Variants in MSRA observed in about 807,000 individuals in gnomAD.
The protein encoded by MSRA is methionine sulfoxide reductase A, also known as mitochondrial peptide methionine sulfoxide reductase.
In MSRA, 54 loss-of-function variants were observed where a neutral mutation model predicts 31.3. The observed-to-expected ratio is 1.73, with a 90% confidence interval of 1.39 to 2.17. The LOEUF is 2.17. Ranked by LOEUF, MSRA falls within the 30% of genes most tolerant of loss-of-function variation. The pLI is 0.00. For synonymous variants in MSRA, 169 were observed against 116.5 expected, an observed-to-expected ratio of 1.45 and a Z score of -2.90; for missense variants, 507 against 300.9, an observed-to-expected ratio of 1.69 and a Z score of -5.07.
intron 2 of MSRA, among the ~76,000 whole-genome samples, chr8:10,243,231 T>A (rs1797430175): frequency 6.6e-6 from 1 of 152,080 alleles, no homozygotes; most frequent in South Asian, 2.1e-4. Flanking sequence ...AATATTTTAT[T>A]CAACAAACTC....
At chr8:10,280,938 C>T (rs2975645) in intron 3 of MSRA, among the ~76,000 whole-genome samples, 57,582 of 152,094 alleles carry the variant, frequency 0.38, 11,266 homozygotes, top group Admixed American at 0.44. Context: ...TTATTTGAAA[C>T]GTCCAGAATA....
intron 2 of MSRA, among the ~76,000 whole-genome samples, chr8:10,232,338 TTAG>T (rs1272208793): frequency 6.6e-6 from 1 of 152,184 alleles, no homozygotes; most frequent in African/African-American, 2.4e-5. Context: ...AGTGGTACCC[TTAG>T]TAGGCAGAGG....
chr8:10,068,599 C>G (rs539535671), intron 1 of MSRA, among the ~76,000 whole-genome samples: 1 of 152,298 alleles, frequency 6.6e-6, no homozygotes, highest in African/African-American at 2.4e-5. Context: ...GCTCATTTGT[C>G]AAAGATGAGT....
intron 1 of MSRA, among the ~76,000 whole-genome samples, chr8:10,145,194 G>C (rs1298449558): frequency 6.6e-6 from 1 of 152,172 alleles, no homozygotes; most frequent in African/African-American, 2.4e-5. Flanking sequence ...TGCAGTGCGA[G>C]GCGAGAACCG....
intron 5 of MSRA, among the ~76,000 whole-genome samples, chr8:10,390,449 C>G (rs1806670063): frequency 6.6e-6 from 1 of 152,212 alleles, no homozygotes; most frequent in African/African-American, 2.4e-5. Context: ...TGGCACTTGC[C>G]TCTTAGTCTT....
intron 4 of MSRA, among the ~76,000 whole-genome samples, chr8:10,315,101 T>A (rs1055049880): frequency 1.6e-4 from 25 of 151,980 alleles, no homozygotes; most frequent in African/African-American, 6.0e-4. Context: ...TATAAAACCA[T>A]CAGATCTCAT....
chr8:10,404,740 G>C (rs1040662579), intron 5 of MSRA, among the ~76,000 whole-genome samples: 2 of 152,246 alleles, frequency 1.3e-5, no homozygotes, highest in African/African-American at 4.8e-5. Context: ...TTCAGGGGCA[G>C]CCAGAGGGCT....
At chr8:10,391,147 T>C (rs889020631) in intron 5 of MSRA, among the ~76,000 whole-genome samples, 2 of 152,230 alleles carry the variant, frequency 1.3e-5, no homozygotes, top group Admixed American at 6.5e-5. Context: ...AACACTTTTA[T>C]AGAAATGTTA....
chr8:10,401,381 G>A (rs902220505), intron 5 of MSRA, among the ~76,000 whole-genome samples: 3 of 152,180 alleles, frequency 2.0e-5, no homozygotes, highest in African/African-American at 7.2e-5. Context: ...CATTAGGACG[G>A]CTATTATCAA....
chr8:10,201,976 C>T (rs1254805858), intron 1 of MSRA, among the ~76,000 whole-genome samples: 1 of 152,254 alleles, frequency 6.6e-6, no homozygotes, highest in Non-Finnish European at 1.5e-5. Flanking sequence ...ACCCACTCTG[C>T]TATGGCTGGG....
intron 5 of MSRA, chr8:10,337,513 A>C (rs560663780): frequency 1.7e-6 from 1 of 572,182 alleles, no homozygotes; most frequent in South Asian, 2.1e-5. Flanking sequence ...ATCCAAAAAG[A>C]CTGTGTGCTA....
chr8:10,225,976 G>C (rs150717837), intron 2 of MSRA, among the ~76,000 whole-genome samples: 2 of 152,322 alleles, frequency 1.3e-5, no homozygotes, highest in East Asian at 3.9e-4. Context: ...GAAAAAATGG[G>C]AAGTGTGAAA....
In MSRA at chr8:10,299,682, A is replaced by G. The variant is rs140782335; in HGVS notation, c.332-1852A>G. Among the ~76,000 whole-genome samples, 48 of 152,294 alleles carry G rather than the reference A, an allele frequency of 3.2e-4. No homozygotes were observed. In the East Asian group the frequency reaches 9.1e-3, roughly 29 times the overall value. The stretch of plus-strand genomic sequence containing the variant: ...TTCACTAATAATATAAATTCATCCT[A>G]AATAAAACAATAGAATCCTATCTTC... On this transcript the variant is annotated intron_variant, in intron 3 of 5. Coordinates refer to ENST00000317173, the MANE Select transcript of MSRA (RefSeq NM_012331.5).
intron 3 of MSRA, among the ~76,000 whole-genome samples, chr8:10,255,023 C>G (rs1176692077): frequency 6.6e-6 from 1 of 152,212 alleles, no homozygotes. Context: ...AAATTTTGCA[C>G]AGAAGTCTAT....
At chr8:10,287,763 C>G (rs962507659) in intron 3 of MSRA, among the ~76,000 whole-genome samples, 1 of 152,086 alleles carries the variant, frequency 6.6e-6, no homozygotes, top group Non-Finnish European at 1.5e-5. Flanking sequence ...GTGAAGTTGC[C>G]AAGAATAAGG....
chr8:10,265,170 A>G (rs1798681845), intron 3 of MSRA, among the ~76,000 whole-genome samples: 2 of 152,184 alleles, frequency 1.3e-5, no homozygotes, highest in Admixed American at 6.5e-5. Context: ...ATATTCCAGA[A>G]GTTAGACCAG....
chr8:10,269,605 C>A (rs1798923879), intron 3 of MSRA, among the ~76,000 whole-genome samples: 1 of 152,200 alleles, frequency 6.6e-6, no homozygotes, highest in Non-Finnish European at 1.5e-5. Flanking sequence ...AGCTTTGCTG[C>A]TACCGCTTAC....
At chr8:10,063,812 A>G (rs922298149) in intron 1 of MSRA, among the ~76,000 whole-genome samples, 5 of 152,200 alleles carry the variant, frequency 3.3e-5, no homozygotes, top group Admixed American at 6.5e-5. Context: ...AGCTCCTATT[A>G]TTGATAAGCT....
intron 4 of MSRA, among the ~76,000 whole-genome samples, chr8:10,317,365 G>C (rs191312340): frequency 6.6e-6 from 1 of 152,352 alleles, no homozygotes; most frequent in Non-Finnish European, 1.5e-5. Context: ...TGAGGCTTAG[G>C]AGGCCCTCTG....
Sources: gnomAD v4.1 joint callset for allele counts (sites outside exome capture counted in the v4.1 genomes callset) on GRCh38, gnomAD v4.1.1 for gene constraint, MANE v1.5 for transcripts, NCBI Gene and HGNC (gene_info 2026-07-23, HGNC 2026-07-21) for gene names.